Variants in SMC6 observed in about 807,000 individuals in gnomAD.
SMC6 encodes the protein structural maintenance of chromosomes protein 6.
A neutral mutation model predicts 142.2 loss-of-function variants in SMC6; 79 were observed. That is an observed-to-expected ratio of 0.56 (90% CI 0.46 to 0.67). SMC6 has a LOEUF of 0.67. SMC6 is among the 30% of genes least tolerant of loss of function. SMC6 has a pLI of 0.00. For synonymous variants in SMC6, 411 were observed against 412.4 expected, an observed-to-expected ratio of 1.00 and a Z score of 0.04; for missense variants, 1,072 against 1,284.0, an observed-to-expected ratio of 0.83 and a Z score of 2.52.
chr2:17,713,931 T>C (rs1232187614), intron 16 of SMC6, among the ~76,000 whole-genome samples: 1 of 152,152 alleles, frequency 6.6e-6, no homozygotes, highest in East Asian at 1.9e-4. Flanking sequence ...ATCTACCTAT[T>C]AACATGAGTT....
In SMC6 at chr2:17,710,246, G is replaced by A. The variant is rs1025640779; in HGVS notation, c.1731-1493C>T. 2.0e-5 allele frequency among the ~76,000 whole-genome samples: 3 copies of A among 152,272 alleles called. No individual in the cohort carries two copies. The East Asian group carries it at 5.8e-4, about 29-fold the overall frequency. On this transcript the variant is annotated intron_variant, in intron 16 of 27. Coordinates refer to ENST00000448223, the MANE Select transcript of SMC6 (RefSeq NM_001142286.2). ...TCTGAAGTACAGCCAGTAGGATGTG[G>A]GGTAGCAGAAAGGAGTCAAGAATGA...
chr2:17,708,965 T>G (rs1668685481), intron 16 of SMC6, among the ~76,000 whole-genome samples: 1 of 152,122 alleles, frequency 6.6e-6, no homozygotes, highest in Non-Finnish European at 1.5e-5. Flanking sequence ...TATAATACTA[T>G]GTGCTAGGCA....
intron 5 of SMC6, among the ~76,000 whole-genome samples, chr2:17,735,136 C>T (rs1670090289): frequency 6.6e-6 from 1 of 152,122 alleles, no homozygotes; most frequent in South Asian, 2.1e-4. Context: ...AAAACCACTT[C>T]TGCAGGAAGA....
chr2:17,682,413 G>A (rs924661853), intron 24 of SMC6, among the ~76,000 whole-genome samples: 9 of 152,176 alleles, frequency 5.9e-5, no homozygotes, highest in Non-Finnish European at 1.0e-4. Context: ...AGAAATCAAA[G>A]TGGAGCTGTT....
At chr2:17,727,825 C>T (rs1669705959) in intron 7 of SMC6, among the ~76,000 whole-genome samples, 2 of 152,144 alleles carry the variant, frequency 1.3e-5, no homozygotes, top group Non-Finnish European at 2.9e-5. Context: ...ACATTTCTCT[C>T]AAGTACGATG....
intron 3 of SMC6, among the ~76,000 whole-genome samples, chr2:17,742,036 T>C (rs1231058740): frequency 6.6e-6 from 1 of 152,150 alleles, no homozygotes; most frequent in Non-Finnish European, 1.5e-5. Context: ...GAATGTTTAG[T>C]GGCATCCCCA....
At position 17,753,043 on chromosome 2, in the gene SMC6, G is replaced by C; in HGVS notation, c.-71C>G. 2 of 984,488 alleles carry C rather than the reference G, an allele frequency of 2.0e-6. No individual in the cohort carries two copies. The highest frequency in any genetic ancestry group is 2.4e-6 in the Non-Finnish European group (2 of 829,152). The allele number at this position is 984,488 out of a possible 1,614,324, so 61.0% of individuals were successfully genotyped here. The stretch of plus-strand genomic sequence containing the variant: ...GTCCTGTTTTCCGCAATTCCCAATT[G>C]GGATTCTTCTCCGGTTCATTTCTGT... On this transcript the variant is annotated 5_prime_UTR_variant, in exon 2 of 28. Coordinates refer to ENST00000448223, the MANE Select transcript of SMC6 (RefSeq NM_001142286.2).
intron 18 of SMC6, among the ~76,000 whole-genome samples, chr2:17,705,970 A>G (rs977603705): frequency 6.6e-6 from 1 of 152,170 alleles, no homozygotes; most frequent in Non-Finnish European, 1.5e-5. Flanking sequence ...TTGTCTCCAC[A>G]GCACTGATCA....
chr2:17,724,544 A>AT, intron 9 of SMC6, among the ~76,000 whole-genome samples: 1 of 152,374 alleles, frequency 6.6e-6, no homozygotes, highest in South Asian at 2.1e-4. Context: ...GGGACTTAAT[A>AT]TGCTGGATAA....
In SMC6 at chr2:17,695,277, T is replaced by C. The variant is rs777361126; in HGVS notation, c.2553A>G (p.Arg851=). ...CTTCTATACGCTCTGGGCAGATTTG[T>C]CTTGCTTGTGACATTTTCTCCTAAG... is the stretch of plus-strand genomic sequence containing the variant. ...KELEEKMSQA[R]QICPERIEVE... Residue 851 remains arginine (R), a synonymous_variant, in exon 23 of 28, where the codon AGA becomes AGG. Coordinates refer to ENST00000448223, the MANE Select transcript of SMC6 (RefSeq NM_001142286.2). The C allele has an allele frequency of 6.2e-7, 1 of 1,612,652 alleles. No individual in the cohort carries two copies. The highest frequency in any genetic ancestry group is 1.7e-5 in the Admixed American group (1 of 59,712).
In SMC6 at chr2:17,716,242, G is replaced by A; in HGVS notation, c.1369C>T (p.His457Tyr). The stretch of plus-strand genomic sequence containing the variant: ...TGCCTCTGATTGTAGCTCAGTGCAT[G>A]CTTCACATCTAATTCTTCTCTCCTA... ...KIKREELDVK[H>Y]ALSYNQRQLK... Residue 457 changes from histidine to tyrosine, a missense_variant, in exon 15 of 28, where the codon CAT becomes TAT. This residue lies in a region of SMC6 where 994 missense variants were observed against 1,153.2 expected (regional missense o/e 0.86). Coordinates refer to ENST00000448223, the MANE Select transcript of SMC6 (RefSeq NM_001142286.2). The A allele has an allele frequency of 6.2e-7, 1 of 1,608,052 alleles. No individual in the cohort carries two copies. The highest frequency in any genetic ancestry group is 1.3e-5 in the African/African-American group (1 of 74,608).
chr2:17,695,787 G>C lies in SMC6; in HGVS notation c.2533-490C>G, dbSNP rs192106562. 3.9e-5 allele frequency among the ~76,000 whole-genome samples: 6 copies of C among 152,270 alleles called. No homozygotes were observed. In the East Asian group the frequency reaches 1.2e-3, roughly 29 times the overall value. ...AAAACAAGTAAGAAAATGAATTACA[G>C]AGTTTAGATCATTTTCCTTAAGATA... On this transcript the variant is annotated intron_variant, in intron 22 of 27. Coordinates refer to ENST00000448223, the MANE Select transcript of SMC6 (RefSeq NM_001142286.2).
Position 17,713,641 on chromosome 2 carries a change from A to C in SMC6, c.1730+1220T>G, listed in dbSNP as rs557026187. ...TCACAACTGATGGCATCCTTCAGCT[A>C]GTCACTCTAACCAGAAACCTAGGAG... is the stretch of plus-strand genomic sequence containing the variant. On this transcript the variant is annotated intron_variant, in intron 16 of 27. Transcript: ENST00000448223. 9.8e-6 allele frequency: 4 copies of C among 408,388 alleles called. No homozygotes were observed. In the East Asian group the frequency reaches 3.2e-4, roughly 33 times the overall value. The allele number at this position is 408,388 out of a possible 1,614,324, so 25.3% of individuals were successfully genotyped here. A position where few individuals can be genotyped will look rare whatever the true frequency, so the allele number is the denominator to read the frequency against.
chr2:17,686,967 T>C (rs527832932), intron 23 of SMC6, among the ~76,000 whole-genome samples: 407 of 152,308 alleles, frequency 2.7e-3, no homozygotes, highest in Middle Eastern at 0.01. Context: ...ATATAAAACA[T>C]AAATGAATTT....
chr2:17,704,715 T>C (rs1668420641), intron 18 of SMC6, among the ~76,000 whole-genome samples: 1 of 152,130 alleles, frequency 6.6e-6, no homozygotes, highest in Admixed American at 6.6e-5. Flanking sequence ...TAATAGTATA[T>C]ACAACATTTA....
rs1667474121 is a variant in SMC6, at chr2:17,686,744, A to G, written c.2679-2981T>C. Among the ~76,000 whole-genome samples, 4 of 152,260 alleles carry G rather than the reference A, an allele frequency of 2.6e-5. No homozygotes were observed. In the South Asian group the frequency reaches 8.3e-4, roughly 32 times the overall value. ...ATGTATGTTACATTTTTTACTAAGTACTTATGTGTGAATTAGTGTAAGAAA... is the reference window on the plus strand; with the variant it reads ...ATGTATGTTACATTTTTTACTAAGTGCTTATGTGTGAATTAGTGTAAGAAA... On this transcript the variant is annotated intron_variant, in intron 23 of 27. Coordinates refer to ENST00000448223, the MANE Select transcript of SMC6 (RefSeq NM_001142286.2).
intron 23 of SMC6, among the ~76,000 whole-genome samples, chr2:17,687,861 A>C (rs1667529339): frequency 6.6e-6 from 1 of 152,206 alleles, no homozygotes; most frequent in South Asian, 2.1e-4. Context: ...GAAAAACCTA[A>C]TCCAAATAAC....
At position 17,665,411 on chromosome 2, in the gene SMC6, A is replaced by C; in HGVS notation, c.*88T>G. ...GTTTCTTTCATTTCAGAATGCCTCC[A>C]GTCTCATTTTATTATATCAAAGAGT... On this transcript the variant is annotated 3_prime_UTR_variant, in exon 28 of 28. Coordinates refer to ENST00000448223, the MANE Select transcript of SMC6 (RefSeq NM_001142286.2). 2 of 669,246 alleles carry C rather than the reference A, an allele frequency of 3.0e-6. No homozygotes were observed. The highest frequency in any genetic ancestry group is 4.7e-6 in the Non-Finnish European group (2 of 423,080). The allele number at this position is 669,246 out of a possible 1,614,324, so 41.5% of individuals were successfully genotyped here.
At chr2:17,739,196 C>T (rs17381120) in intron 4 of SMC6, among the ~76,000 whole-genome samples, 2,815 of 152,000 alleles carry the variant, frequency 0.019, 49 homozygotes, top group South Asian at 0.03. Flanking sequence ...CTTCTTTATA[C>T]CCTAACAGAT....
Sources: gnomAD v4.1 joint callset for allele counts (sites outside exome capture counted in the v4.1 genomes callset) on GRCh38, gnomAD v4.1.1 for gene constraint, gnomAD v4.1.1 regional missense constraint, MANE v1.5 for transcripts, NCBI Gene and HGNC (gene_info 2026-07-23, HGNC 2026-07-21) for gene names.